IGF1R: variants seen among roughly 807,000 people sequenced by gnomAD.
IGF1R encodes the protein insulin-like growth factor 1 receptor.
A neutral mutation model predicts 144.6 loss-of-function variants in IGF1R; 44 were observed. The ratio of observed to expected loss-of-function variants is 0.30; its 90% CI spans 0.24 to 0.39. The LOEUF (loss-of-function observed/expected upper bound fraction) is 0.39, where lower values mean the gene tolerates loss of function less well. Ranked by LOEUF, IGF1R falls within the 10% of genes least tolerant of loss-of-function variation. The pLI is 1.00. For synonymous variants in IGF1R, 795 were observed against 722.8 expected, an observed-to-expected ratio of 1.10 and a Z score of -1.60; for missense variants, 1,355 against 1,833.7, an observed-to-expected ratio of 0.74 and a Z score of 4.77.
In IGF1R at chr15:98,957,052, T is replaced by TG. The variant is rs1372108702; in HGVS notation, c.3723-7dup. 7 of 1,614,122 alleles carry TG rather than the reference T, an allele frequency of 4.3e-6. No individual in the cohort carries two copies. Among genetic ancestry groups the TG allele is most frequent in the Non-Finnish European group, 5.9e-6 (7 of 1,180,028 alleles). On this transcript the variant is annotated splice_polypyrimidine_tract_variant and intron_variant, in intron 20 of 20. Coordinates refer to ENST00000650285, the MANE Select transcript of IGF1R (RefSeq NM_000875.5). ...GGTTTGGACCCCCTCCCGTGTGTCT[T>TG]GGCTGCAGGTTTGAACTGATGCGCA... is the stretch of plus-strand genomic sequence containing the variant.
chr15:98,771,976 C>T (rs1308177818), intron 2 of IGF1R, among the ~76,000 whole-genome samples: 1 of 152,060 alleles, frequency 6.6e-6, no homozygotes, highest in South Asian at 2.1e-4. Flanking sequence ...AAATGTCCCT[C>T]CTCTAGCAGT....
At chr15:98,687,972 G>A (rs1048309134) in intron 1 of IGF1R, among the ~76,000 whole-genome samples, 2 of 152,160 alleles carry the variant, frequency 1.3e-5, no homozygotes, top group African/African-American at 2.4e-5. Context: ...GGGATACTTG[G>A]TGCCACTTAC....
intron 2 of IGF1R, among the ~76,000 whole-genome samples, chr15:98,754,685 T>G (rs2055105052): frequency 6.6e-6 from 1 of 152,194 alleles, no homozygotes. Context: ...GTCTTTGTTT[T>G]TGAGAGGAAT....
chr15:98,818,060 G>A (rs903490048), intron 2 of IGF1R, among the ~76,000 whole-genome samples: 2 of 152,088 alleles, frequency 1.3e-5, no homozygotes, highest in African/African-American at 2.4e-5. Context: ...AGCAAGCTGT[G>A]GTGTCTCTTC....
chr15:98,663,971 C>A (rs1173895944), intron 1 of IGF1R, among the ~76,000 whole-genome samples: 1 of 152,194 alleles, frequency 6.6e-6, no homozygotes, highest in Non-Finnish European at 1.5e-5. Context: ...AATTGCCCAT[C>A]CTTAGCCCAC....
intron 2 of IGF1R, among the ~76,000 whole-genome samples, chr15:98,709,724 C>CG (rs2053948592): frequency 6.6e-6 from 1 of 152,060 alleles, no homozygotes; most frequent in South Asian, 2.1e-4. Context: ...TGTAGTTGGG[C>CG]TTTTTTAGGA....
chr15:98,810,554 CTTTT>C (rs1289249437), intron 2 of IGF1R, among the ~76,000 whole-genome samples: 1 of 138,710 alleles, frequency 7.2e-6, no homozygotes, highest in African/African-American at 2.6e-5. Flanking sequence ...CTTTTCTTTT[CTTTT>C]TTTTTTTTTT....
intron 1 of IGF1R, among the ~76,000 whole-genome samples, chr15:98,652,735 G>T (rs890510072): frequency 1.3e-5 from 2 of 152,204 alleles, no homozygotes; most frequent in African/African-American, 4.8e-5. Flanking sequence ...GAAGGTAGAT[G>T]AGTGGTTGCC....
chr15:98,778,458 C>T (rs1316703351), intron 2 of IGF1R, among the ~76,000 whole-genome samples: 2 of 152,138 alleles, frequency 1.3e-5, no homozygotes, highest in East Asian at 3.8e-4. Context: ...AGACTGAGAC[C>T]CAGAGAGGGT....
chr15:98,887,967 G>T (rs1456505319), intron 2 of IGF1R, among the ~76,000 whole-genome samples: 1 of 152,238 alleles, frequency 6.6e-6, no homozygotes, highest in Non-Finnish European at 1.5e-5. Context: ...GGCCTTCAGT[G>T]CCTCCCCGGG....
At chr15:98,809,000 T>G (rs114999722) in intron 2 of IGF1R, among the ~76,000 whole-genome samples, 165 of 152,342 alleles carry the variant, frequency 1.1e-3, no homozygotes, top group African/African-American at 3.8e-3. Context: ...AAGATTCTTA[T>G]CAACAGTTAA....
chr15:98,766,985 G>T (rs993187990), intron 2 of IGF1R, among the ~76,000 whole-genome samples: 1 of 152,158 alleles, frequency 6.6e-6, no homozygotes, highest in African/African-American at 2.4e-5. Context: ...ACCAGGCTCG[G>T]TGTAGAGACC....
intron 2 of IGF1R, among the ~76,000 whole-genome samples, chr15:98,887,819 C>A (rs771089451): frequency 6.6e-6 from 1 of 152,230 alleles, no homozygotes; most frequent in Non-Finnish European, 1.5e-5. Flanking sequence ...TCTTTCAGCC[C>A]TACCCTCTCT....
At chr15:98,902,896 T>C (rs1417575156) in intron 5 of IGF1R, among the ~76,000 whole-genome samples, 1 of 152,152 alleles carries the variant, frequency 6.6e-6, no homozygotes, top group Non-Finnish European at 1.5e-5. Flanking sequence ...TCAAAAAGTC[T>C]CCTGAGCCAT....
intron 7 of IGF1R, among the ~76,000 whole-genome samples, chr15:98,912,647 T>A (rs367759408): frequency 6.6e-6 from 1 of 152,274 alleles, no homozygotes; most frequent in South Asian, 2.1e-4. Flanking sequence ...CTACTTCTGT[T>A]TGTCTGTAGG....
At chr15:98,910,720 C>T (rs1394078326) in intron 6 of IGF1R, among the ~76,000 whole-genome samples, 1 of 152,210 alleles carries the variant, frequency 6.6e-6, no homozygotes, top group African/African-American at 2.4e-5. Context: ...ATCTTCTTGT[C>T]AGTGCTTAAT....
rs79513435 is a variant in IGF1R, at chr15:98,872,522, A to G, written c.641-18803A>G. On this transcript the variant is annotated intron_variant, in intron 2 of 20. Coordinates refer to ENST00000650285, the MANE Select transcript of IGF1R (RefSeq NM_000875.5). ...GACTAGAAGTTCAGTCTAGGGATCA[A>G]ATAATAATAGTAGCTAATGTTTAAA... is the stretch of plus-strand genomic sequence containing the variant. 2.7e-3 allele frequency among the ~76,000 whole-genome samples: 410 copies of G among 152,350 alleles called. 9 individuals carry two copies. The East Asian group carries it at 0.066, about 24-fold the overall frequency.
chr15:98,960,900 G>A lies in IGF1R; in HGVS notation c.*3458G>A, dbSNP rs3743251. The A allele has an allele frequency of 0.16, 37,128 of 233,166 alleles. 3,353 individuals carry two copies. Among genetic ancestry groups the A allele is most frequent in the East Asian group, 0.35 (5,781 of 16,534 alleles). The allele number at this position is 233,166 out of a possible 1,614,324, so 14.4% of individuals were successfully genotyped here. On this transcript the variant is annotated 3_prime_UTR_variant, in exon 21 of 21. Transcript: ENST00000650285. ...AGTGGCCGGCGCCGAGGCTCGTGGC[G>A]TCACGCCCCCCCCGCCAGGGCTGTA...
chr15:98,813,932 C>A (rs1275201878), intron 2 of IGF1R, among the ~76,000 whole-genome samples: 1 of 152,230 alleles, frequency 6.6e-6, no homozygotes, highest in East Asian at 1.9e-4. Context: ...ATAACAATGA[C>A]TGTCAACAAC....
Sources: allele counts gnomAD v4.1 joint callset (sites outside exome capture counted in the v4.1 genomes callset), GRCh38; gene constraint gnomAD v4.1.1; transcripts MANE v1.5; gene names NCBI Gene and HGNC (gene_info 2026-07-23, HGNC 2026-07-21).